The following PDZD2 variants were observed in gnomAD, a reference collection of about 807,000 sequenced individuals.
PDZD2 encodes the protein PDZ domain containing 2.
A neutral mutation model predicts 220.7 loss-of-function variants in PDZD2; 90 were observed. That is an observed-to-expected ratio of 0.41 (90% CI 0.34 to 0.49). PDZD2 has a LOEUF of 0.49. PDZD2 is among the 20% of genes least tolerant of loss of function. The pLI, the probability that PDZD2 is intolerant of heterozygous loss-of-function variation, is 0.28. For missense variants in PDZD2, 3,174 were observed against 3,608.5 expected (o/e 0.88, Z 3.08); for synonymous variants, 1,375 against 1,450.5 (o/e 0.95, Z 1.18).
intron 1 of PDZD2, among the ~76,000 whole-genome samples, chr5:31,650,352 A>G (rs1745305115): frequency 1.3e-5 from 2 of 152,206 alleles, no homozygotes; most frequent in Admixed American, 1.3e-4. Context: ...AAGAATTTGA[A>G]TCCAGATCTC....
chr5:31,949,448 A>G (rs1274322252), intron 2 of PDZD2, among the ~76,000 whole-genome samples: 1 of 152,186 alleles, frequency 6.6e-6, no homozygotes, highest in Non-Finnish European at 1.5e-5. Context: ...GCTCACAGAT[A>G]CCAAATATCT....
intron 1 of PDZD2, among the ~76,000 whole-genome samples, chr5:31,740,769 T>C (rs972405274): frequency 2.6e-5 from 4 of 152,158 alleles, no homozygotes; most frequent in African/African-American, 9.7e-5. Flanking sequence ...TTGGTGTGCA[T>C]GGTTCACCAC....
intron 1 of PDZD2, among the ~76,000 whole-genome samples, chr5:31,737,242 G>A (rs944606090): frequency 2.1e-5 from 3 of 142,638 alleles, no homozygotes; most frequent in Admixed American, 7.5e-5. Flanking sequence ...GCGCCATCTC[G>A]GCTCACTGCA....
At chr5:31,874,890 C>A (rs1910793) in intron 2 of PDZD2, among the ~76,000 whole-genome samples, 4,373 of 152,004 alleles carry the variant, frequency 0.029, 111 homozygotes, top group Non-Finnish European at 0.036. Context: ...ACAACAACAA[C>A]AAAATTATAA....
chr5:32,002,716 C>CA (rs1752275667), intron 5 of PDZD2, among the ~76,000 whole-genome samples: 1 of 117,908 alleles, frequency 8.5e-6, no homozygotes, highest in Non-Finnish European at 1.8e-5. Context: ...CACACACACC[C>CA]CACACACCAA....
chr5:31,649,767 G>A (rs755056137), intron 1 of PDZD2, among the ~76,000 whole-genome samples: 4 of 151,560 alleles, frequency 2.6e-5, no homozygotes, highest in Non-Finnish European at 5.9e-5. Flanking sequence ...GTGAAACCGC[G>A]TCTCTACTAA....
At chr5:31,881,141 G>T (rs1739863051) in intron 2 of PDZD2, among the ~76,000 whole-genome samples, 1 of 151,890 alleles carries the variant, frequency 6.6e-6, no homozygotes, top group Admixed American at 6.6e-5. Context: ...TGGGATCTCT[G>T]ATCAGCAGGT....
chr5:31,919,411 A>G (rs1447950024), intron 2 of PDZD2, among the ~76,000 whole-genome samples: 1 of 149,686 alleles, frequency 6.7e-6, no homozygotes, highest in African/African-American at 2.5e-5. Context: ...CGGCGGTACG[A>G]TCTTGGCTCA....
chr5:31,763,277 G>C (rs116764433), intron 1 of PDZD2, among the ~76,000 whole-genome samples: 2 of 152,080 alleles, frequency 1.3e-5, no homozygotes, highest in South Asian at 4.1e-4. Context: ...TAGGGCCTCC[G>C]GTATCAGGCG....
At chr5:31,818,116 C>T (rs1011902884) in intron 2 of PDZD2, among the ~76,000 whole-genome samples, 1 of 151,862 alleles carries the variant, frequency 6.6e-6, no homozygotes, top group Non-Finnish European at 1.5e-5. Context: ...ACTACAGGTG[C>T]GTGTCACAAG....
intron 1 of PDZD2, among the ~76,000 whole-genome samples, chr5:31,735,513 T>G (rs1056825451): frequency 6.6e-6 from 1 of 152,168 alleles, no homozygotes; most frequent in Non-Finnish European, 1.5e-5. Flanking sequence ...TTTAAAATAT[T>G]CCAGGCTGGG....
At chr5:31,903,644 C>CAAAAAAAA (rs59822169) in intron 2 of PDZD2, among the ~76,000 whole-genome samples, 1 of 99,730 alleles carries the variant, frequency 1.0e-5, no homozygotes, top group African/African-American at 3.7e-5. Context: ...GACCCTGTCT[C>CAAAAAAAA]AAAAAAAAAA....
At chr5:31,894,756 C>G (rs1428667097) in intron 2 of PDZD2, among the ~76,000 whole-genome samples, 1 of 152,174 alleles carries the variant, frequency 6.6e-6, no homozygotes, top group Non-Finnish European at 1.5e-5. Context: ...ATGGCTGTAT[C>G]CTCAGCCCAA....
intron 1 of PDZD2, chr5:31,725,619 A>G (rs1161126598): frequency 4.4e-6 from 6 of 1,368,354 alleles, no homozygotes; most frequent in African/African-American, 4.3e-5. Flanking sequence ...ATTTGGATCT[A>G]GGTGGTCCTT....
intron 5 of PDZD2, among the ~76,000 whole-genome samples, chr5:32,002,661 CACACACACCACACACACACCA>C (rs1752253846): frequency 3.1e-5 from 4 of 130,372 alleles, no homozygotes; most frequent in Non-Finnish European, 3.4e-5. Context: ...ACATACTACA[CACACACACCACACACACACCA>C]ACACACACCA....
chr5:31,723,717 A>C (rs1443859835), intron 1 of PDZD2, among the ~76,000 whole-genome samples: 2 of 152,112 alleles, frequency 1.3e-5, no homozygotes, highest in Non-Finnish European at 2.9e-5. Flanking sequence ...TCCCCAGTTC[A>C]AGTGATTCTC....
intron 2 of PDZD2, chr5:31,840,981 T>C: frequency 2.3e-6 from 1 of 426,366 alleles, no homozygotes; most frequent in Non-Finnish European, 4.2e-6. Flanking sequence ...TTTTGGCGAA[T>C]TACTGGAGGA....
chr5:31,898,214 A>G (rs1741751334), intron 2 of PDZD2, among the ~76,000 whole-genome samples: 1 of 152,224 alleles, frequency 6.6e-6, no homozygotes, highest in Non-Finnish European at 1.5e-5. Context: ...CTGTTAGACC[A>G]TTCTTGCCTC....
intron 2 of PDZD2, among the ~76,000 whole-genome samples, chr5:31,963,836 G>T (rs1307047963): frequency 6.6e-6 from 1 of 152,114 alleles, no homozygotes; most frequent in Non-Finnish European, 1.5e-5. Context: ...GTCTATACTA[G>T]CTCAATCCCC....
Sources: gnomAD v4.1 joint callset for allele counts (sites outside exome capture counted in the v4.1 genomes callset) on GRCh38, gnomAD v4.1.1 for gene constraint, MANE v1.5 for transcripts, NCBI Gene and HGNC (gene_info 2026-07-23, HGNC 2026-07-21) for gene names.